The following MYO1D variants were observed in gnomAD, a reference collection of about 807,000 sequenced individuals.
MYO1D encodes the protein unconventional myosin-Id.
A neutral mutation model predicts 122.0 loss-of-function variants in MYO1D; 83 were observed. The ratio of observed to expected loss-of-function variants is 0.68; its 90% CI spans 0.57 to 0.82. The LOEUF is 0.82. Among genes scored for constraint, MYO1D ranks in the 40% least tolerant of loss-of-function variants. The pLI is 0.00. For synonymous variants in MYO1D, 464 were observed against 446.9 expected (o/e 1.04, Z -0.48); for missense variants, 1,157 against 1,269.5 (o/e 0.91, Z 1.35).
chr17:32,692,705 G>T (rs186551717), intron 16 of MYO1D, among the ~76,000 whole-genome samples: 4 of 152,310 alleles, frequency 2.6e-5, no homozygotes, highest in Admixed American at 2.0e-4. Flanking sequence ...GGCAACAGGG[G>T]CAGGGTGGTA....
chr17:32,624,283 C>T (rs2087895687), intron 20 of MYO1D, among the ~76,000 whole-genome samples: 1 of 145,226 alleles, frequency 6.9e-6, no homozygotes, highest in Non-Finnish European at 1.5e-5. Context: ...AACTCCTGGG[C>T]TCAAGCGGTC....
At chr17:32,827,568 TAC>T (rs1227154654) in intron 1 of MYO1D, among the ~76,000 whole-genome samples, 2 of 152,230 alleles carry the variant, frequency 1.3e-5, no homozygotes, top group African/African-American at 4.8e-5. Flanking sequence ...AATTTTATGT[TAC>T]ATATATTTTA....
chr17:32,550,978 AAG>A (rs1176734723), intron 21 of MYO1D, among the ~76,000 whole-genome samples: 17 of 152,162 alleles, frequency 1.1e-4, no homozygotes, highest in Non-Finnish European at 1.5e-5. Context: ...AAAAAAGAGA[AAG>A]AAATGATAAT....
rs1439124846 is a variant in MYO1D at position 32,494,707 on chromosome 17, G to A, written c.*52C>T. On this transcript the variant is annotated 3_prime_UTR_variant, in exon 22 of 22. Transcript: ENST00000318217. ...GGGTTGGGAGGCAGCAGCTGGACTG[G>A]GACCCAGGACTCGGAGTGTGGCCGG... The A allele has an allele frequency of 1.3e-6, 2 of 1,525,558 alleles. No homozygotes were observed. Among genetic ancestry groups the A allele is most frequent in the Non-Finnish European group, 1.8e-6 (2 of 1,137,244 alleles). The allele number at this position is 1,525,558 out of a possible 1,614,324, so 94.5% of individuals were successfully genotyped here. A position where few individuals can be genotyped will look rare whatever the true frequency, so the allele number is the denominator to read the frequency against.
intron 16 of MYO1D, among the ~76,000 whole-genome samples, chr17:32,687,354 G>A (rs138570653): frequency 0.018 from 2,806 of 152,078 alleles, 97 homozygotes; most frequent in African/African-American, 0.064. Flanking sequence ...CTGCCACCAC[G>A]CCCGGCTAAT....
intron 15 of MYO1D, among the ~76,000 whole-genome samples, chr17:32,715,085 A>G (rs2089425909): frequency 6.6e-6 from 1 of 152,262 alleles, no homozygotes; most frequent in Non-Finnish European, 1.5e-5. Flanking sequence ...TGATCATTAG[A>G]GAAATGCAAA....
intron 16 of MYO1D, among the ~76,000 whole-genome samples, chr17:32,704,379 AGT>A (rs1422670796): frequency 6.6e-6 from 1 of 152,196 alleles, no homozygotes; most frequent in Non-Finnish European, 1.5e-5. Context: ...TCAGGTTTTC[AGT>A]CATTCACAAA....
chr17:32,662,389 G>A lies in MYO1D; in HGVS notation c.2122-3051C>T, dbSNP rs181273420. On this transcript the variant is annotated intron_variant, in intron 16 of 21. Coordinates refer to ENST00000318217, the MANE Select transcript of MYO1D (RefSeq NM_015194.3). ...TCCTGGTCCCACTCTTAAGAGCTGC[G>A]CAGCGGGACGCGGTGGCTCACGCCT... 1.1e-3 allele frequency among the ~76,000 whole-genome samples: 169 copies of A among 152,238 alleles called. 1 individual carries two copies. The highest frequency in any genetic ancestry group is 2.0e-3 in the Non-Finnish European group (139 of 68,008).
chr17:32,540,786 C>G (rs542776556), intron 21 of MYO1D, among the ~76,000 whole-genome samples: 1 of 151,812 alleles, frequency 6.6e-6, no homozygotes, highest in East Asian at 1.9e-4. Context: ...ATTAACTAGG[C>G]ATGGTGGTGT....
At chr17:32,848,869 G>A (rs2090960838) in intron 1 of MYO1D, among the ~76,000 whole-genome samples, 1 of 152,144 alleles carries the variant, frequency 6.6e-6, no homozygotes, top group Admixed American at 6.5e-5. Flanking sequence ...AAGCCACATT[G>A]TAATAAAGGG....
rs559977542 is a variant in MYO1D at position 32,870,429 on chromosome 17, T to G, written c.95+6349A>C. Among the ~76,000 whole-genome samples the G allele has an allele frequency of 3.9e-5, 6 of 152,212 alleles. No individual in the cohort carries two copies. In the East Asian group the frequency reaches 9.6e-4, roughly 24 times the overall value. On this transcript the variant is annotated intron_variant, in intron 1 of 21. Transcript: ENST00000318217. Reference sequence around the variant, plus strand: ...TCCCTGGCAAGCAAGAGACACCCTTTGTCCCACCAAATTTTCCAAATGACC... The same window carrying G: ...TCCCTGGCAAGCAAGAGACACCCTTGGTCCCACCAAATTTTCCAAATGACC...
chr17:32,712,116 G>A lies in MYO1D; in HGVS notation c.1993C>T (p.Arg665Trp), dbSNP rs181645212. The A allele has an allele frequency of 2.0e-5, 33 of 1,613,968 alleles. No individual in the cohort carries two copies. In the Admixed American group the frequency reaches 2.5e-4, roughly 12 times the overall value. The part of the protein sequence containing the change: ...DKEAVKKLIE[R>W]CGFQDDVAYG... ...GCTACATCATCCTGAAAACCACACC[G>A]TTCAATTAGTTTCTTGACAGCCTCT... Residue 665 changes from arginine to tryptophan, a missense_variant, in exon 16 of 22, where the codon CGG becomes TGG. Coordinates refer to ENST00000318217, the MANE Select transcript of MYO1D (RefSeq NM_015194.3).
At chr17:32,506,125 G>A (rs866294978) in intron 21 of MYO1D, among the ~76,000 whole-genome samples, 12 of 152,240 alleles carry the variant, frequency 7.9e-5, no homozygotes, top group African/African-American at 2.9e-4. Flanking sequence ...TATCTTGGCT[G>A]TCTTGTAAAG....
At chr17:32,731,060 C>A (rs888730680) in intron 14 of MYO1D, among the ~76,000 whole-genome samples, 1 of 152,260 alleles carries the variant, frequency 6.6e-6, no homozygotes, top group South Asian at 2.1e-4. Flanking sequence ...GTGCATGCCA[C>A]CACACCTGGC....
At chr17:32,494,968 G>A (rs1208460459) in intron 21 of MYO1D, 53 bp from the exon 22 acceptor site, 7 of 1,519,556 alleles carry the variant, frequency 4.6e-6, no homozygotes, top group Non-Finnish European at 3.6e-6. Flanking sequence ...ATGAGAACAG[G>A]GCACCTGCCC....
Position 32,717,526 on chromosome 17 carries a change from C to G in MYO1D, c.1913+3497G>C, listed in dbSNP as rs145254167. Among the ~76,000 whole-genome samples the G allele has an allele frequency of 2.0e-5, 3 of 152,184 alleles. No homozygotes were observed. In the East Asian group the frequency reaches 5.8e-4, roughly 29 times the overall value. ...CTTTCTTTTTGCTGAAGTATATCCT[C>G]TAGAAGATTTTTCAGAGGGTCTATG... On this transcript the variant is annotated intron_variant, in intron 15 of 21. Transcript: ENST00000318217.
intron 21 of MYO1D, among the ~76,000 whole-genome samples, chr17:32,539,376 A>G (rs1910767816): frequency 6.6e-6 from 1 of 152,042 alleles, no homozygotes. Flanking sequence ...GATTTTTTTA[A>G]AAACCATACT....
At chr17:32,628,395 C>T (rs2087955811) in intron 20 of MYO1D, among the ~76,000 whole-genome samples, 1 of 152,178 alleles carries the variant, frequency 6.6e-6, no homozygotes, top group Non-Finnish European at 1.5e-5. Context: ...TTTGTGAGAA[C>T]AGTGTTTGCT....
At chr17:32,671,257 C>A (rs2088716683) in intron 16 of MYO1D, among the ~76,000 whole-genome samples, 1 of 152,188 alleles carries the variant, frequency 6.6e-6, no homozygotes, top group South Asian at 2.1e-4. Context: ...ATGGAGCTTG[C>A]TTCTATGTTG....
Sources: gnomAD v4.1 joint callset for allele counts (sites outside exome capture counted in the v4.1 genomes callset) on GRCh38, gnomAD v4.1.1 for gene constraint, MANE v1.5 for transcripts, NCBI Gene and HGNC (gene_info 2026-07-23, HGNC 2026-07-21) for gene names.